The following SRP9 variants were observed in gnomAD, a reference collection of about 807,000 sequenced individuals.
The protein encoded by SRP9 is signal recognition particle 9 kDa protein.
SRP9 carries 2 observed loss-of-function variants against 11.7 expected under a neutral mutation model. The observed-to-expected ratio is 0.17, with a 90% CI of 0.07 to 0.54. SRP9 has a LOEUF of 0.54. Among genes scored for constraint, SRP9 ranks in the 20% least tolerant of loss-of-function variants. SRP9 has a pLI of 0.94. For missense variants in SRP9, 54 were observed against 108.1 expected, an observed-to-expected ratio of 0.50 and a Z score of 2.22; for synonymous variants, 27 against 35.6, an observed-to-expected ratio of 0.76 and a Z score of 0.86.
In SRP9 at chr1:225,789,509, T is replaced by C. The variant is rs546304542; in HGVS notation, c.*150T>C. On this transcript the variant is annotated 3_prime_UTR_variant, in exon 3 of 3. Transcript: ENST00000304786. ...TTTGTAATTTTCTTTTTAATTACTTTAGAGAGCTAGGGATGCAAATGTTTT... is the reference window on the plus strand; with the variant it reads ...TTTGTAATTTTCTTTTTAATTACTTCAGAGAGCTAGGGATGCAAATGTTTT... 2.0e-5 allele frequency: 17 copies of C among 849,504 alleles called. No individual in the cohort carries two copies. Among genetic ancestry groups the C allele is most frequent in the East Asian group, 8.6e-5 (3 of 34,696 alleles). 52.6% of individuals were successfully genotyped at this position (849,504 alleles called of 1,614,324 possible).
chr1:225,789,401 A>G lies in SRP9; in HGVS notation c.*42A>G, dbSNP rs775840400. On this transcript the variant is annotated 3_prime_UTR_variant, in exon 3 of 3. Coordinates refer to ENST00000304786, the MANE Select transcript of SRP9 (RefSeq NM_003133.6). Reference sequence around the variant, plus strand: ...ACTTTGTCGTGTACTTAGGAAGTAAATATCTTTTGAATTAGAGAAAGTGTT... The same window carrying G: ...ACTTTGTCGTGTACTTAGGAAGTAAGTATCTTTTGAATTAGAGAAAGTGTT... 1 of 1,493,482 alleles carries G rather than the reference A, an allele frequency of 6.7e-7. No individual in the cohort carries two copies. Among genetic ancestry groups the G allele is most frequent in the Non-Finnish European group, 9.0e-7 (1 of 1,107,608 alleles). The allele number at this position is 1,493,482 out of a possible 1,614,324, so 92.5% of individuals were successfully genotyped here. A position where few individuals can be genotyped will look rare whatever the true frequency, so the allele number is the denominator to read the frequency against.
chr1:225,778,075 C>T, intron 1 of SRP9, 63 bp downstream of exon 1: 7 of 1,580,936 alleles, frequency 4.4e-6, no homozygotes, highest in South Asian at 3.4e-5. Flanking sequence ...GCCATCCACT[C>T]GGCCCCTGGA....
rs759395838 is a variant in SRP9 at position 225,790,020 on chromosome 1, G to C, written c.*661G>C. ...TGAATCTAGTTTTCAGTGATCAGAA[G>C]CAGCAGTTATTTGAGTGTATGAATG... On this transcript the variant is annotated 3_prime_UTR_variant, in exon 3 of 3. Coordinates refer to ENST00000304786, the MANE Select transcript of SRP9 (RefSeq NM_003133.6). 3.9e-5 allele frequency: 6 copies of C among 152,260 alleles called. No individual in the cohort carries two copies. The highest frequency in any genetic ancestry group is 7.2e-5 in the African/African-American group (3 of 41,456). 9.4% of individuals were successfully genotyped at this position (152,260 alleles called of 1,614,324 possible).
At chr1:225,787,428 T>C (rs1386358597) in intron 2 of SRP9, among the ~76,000 whole-genome samples, 3 of 151,976 alleles carry the variant, frequency 2.0e-5, no homozygotes, top group Non-Finnish European at 4.4e-5. Context: ...CTTGGGAGGC[T>C]GAGGCAGGAG....
At chr1:225,780,170 C>G in intron 1 of SRP9, among the ~76,000 whole-genome samples, 1 of 134,902 alleles carries the variant, frequency 7.4e-6, no homozygotes, top group Non-Finnish European at 1.6e-5. Context: ...TGCCACCATG[C>G]CTGCCTAATT....
At position 225,789,403 on chromosome 1, in the gene SRP9, ATC is replaced by A; in HGVS notation, c.*46_*47del. The A allele has an allele frequency of 6.7e-7, 1 of 1,490,762 alleles. No homozygotes were observed. The highest frequency in any genetic ancestry group is 9.1e-7 in the Non-Finnish European group (1 of 1,104,414). 92.3% of individuals were successfully genotyped at this position (1,490,762 alleles called of 1,614,324 possible). On this transcript the variant is annotated 3_prime_UTR_variant, in exon 3 of 3. Coordinates refer to ENST00000304786, the MANE Select transcript of SRP9 (RefSeq NM_003133.6). Reference sequence around the variant, plus strand: ...TTTGTCGTGTACTTAGGAAGTAAATATCTTTTGAATTAGAGAAAGTGTTGGGA... The same window carrying A: ...TTTGTCGTGTACTTAGGAAGTAAATATTTTGAATTAGAGAAAGTGTTGGGA...
Position 225,783,384 on chromosome 1 carries a change from T to C in SRP9, c.141+16T>C. The stretch of plus-strand genomic sequence containing the variant: ...TGATTTAGTTGTAAGTATACATTTT[T>C]ATTTGTTACATACTTTCAGATTTGT... On this transcript the variant is annotated intron_variant, in intron 2 of 2. Transcript: ENST00000304786. 1.3e-6 allele frequency: 2 copies of C among 1,567,386 alleles called. No individual in the cohort carries two copies. Among genetic ancestry groups the C allele is most frequent in the Non-Finnish European group, 1.8e-6 (2 of 1,139,814 alleles).
chr1:225,782,504 T>A (rs1191455139), intron 1 of SRP9, among the ~76,000 whole-genome samples: 1 of 152,148 alleles, frequency 6.6e-6, no homozygotes, highest in Non-Finnish European at 1.5e-5. Context: ...AAACAAGAGT[T>A]ACTGATACTG....
intron 2 of SRP9, chr1:225,788,962 A>G (rs1665969660): frequency 1.3e-6 from 2 of 1,535,178 alleles, no homozygotes; most frequent in African/African-American, 1.4e-5. Flanking sequence ...TTCTCATCAG[A>G]CCATAGCAGG....
chr1:225,787,563 G>C (rs554704562), intron 2 of SRP9, among the ~76,000 whole-genome samples: 1 of 152,080 alleles, frequency 6.6e-6, no homozygotes, highest in Non-Finnish European at 1.5e-5. Flanking sequence ...AATAAATGCA[G>C]AACGAATTTT....
chr1:225,778,384 G>C (rs1030989579), intron 1 of SRP9, among the ~76,000 whole-genome samples: 1 of 152,212 alleles, frequency 6.6e-6, no homozygotes, highest in Admixed American at 6.5e-5. Context: ...GGCGGTAAGG[G>C]TACCTCATGT....
chr1:225,786,280 C>G (rs1003211975), intron 2 of SRP9, among the ~76,000 whole-genome samples: 3 of 152,202 alleles, frequency 2.0e-5, no homozygotes, highest in Non-Finnish European at 4.4e-5. Flanking sequence ...TATCACAATT[C>G]TTTTATCACA....
chr1:225,779,187 C>T (rs1017129533), intron 1 of SRP9, among the ~76,000 whole-genome samples: 2 of 151,256 alleles, frequency 1.3e-5, no homozygotes, highest in African/African-American at 2.4e-5. Context: ...CACTGTCGCC[C>T]GGACTGGAGT....
At chr1:225,787,248 G>A (rs1297542719) in intron 2 of SRP9, among the ~76,000 whole-genome samples, 5 of 152,092 alleles carry the variant, frequency 3.3e-5, no homozygotes, top group African/African-American at 1.2e-4. Flanking sequence ...AAAAATAGGG[G>A]AATAGGCCGG....
intron 2 of SRP9, among the ~76,000 whole-genome samples, chr1:225,787,788 C>T (rs961933555): frequency 6.6e-6 from 1 of 152,096 alleles, no homozygotes; most frequent in Non-Finnish European, 1.5e-5. Context: ...TCTCATAGGA[C>T]ATGTGCTAAA....
At chr1:225,784,544 C>T (rs1443768314) in intron 2 of SRP9, among the ~76,000 whole-genome samples, 1 of 151,726 alleles carries the variant, frequency 6.6e-6, no homozygotes, top group Admixed American at 6.6e-5. Flanking sequence ...CCACCCCACC[C>T]GGCCTATCAT....
chr1:225,778,695 C>G lies in SRP9; in HGVS notation c.72+683C>G, dbSNP rs77197174. ...CTCATTATTAAAAAGCAAAGGAGTCCAAGTGATGGGAGTTTAGCATTCGGG... is the reference window on the plus strand; with the variant it reads ...CTCATTATTAAAAAGCAAAGGAGTCGAAGTGATGGGAGTTTAGCATTCGGG... On this transcript the variant is annotated intron_variant, in intron 1 of 2. Coordinates refer to ENST00000304786, the MANE Select transcript of SRP9 (RefSeq NM_003133.6). 1.9e-3 allele frequency among the ~76,000 whole-genome samples: 285 copies of G among 152,270 alleles called. 4 individuals are homozygous for G. Among genetic ancestry groups the G allele is most frequent in the African/African-American group, 6.5e-3 (270 of 41,544 alleles).
At chr1:225,782,697 T>C (rs896419306) in intron 1 of SRP9, among the ~76,000 whole-genome samples, 1 of 152,214 alleles carries the variant, frequency 6.6e-6, no homozygotes, top group Non-Finnish European at 1.5e-5. Context: ...GTTATTCTGG[T>C]TTTTGGAAAA....
Position 225,783,320 on chromosome 1 carries a change from T to C in SRP9, c.93T>C (p.Tyr31=), listed in dbSNP as rs142361213. 226 of 1,612,752 alleles carry C rather than the reference T, an allele frequency of 1.4e-4. No homozygotes were observed. The highest frequency in any genetic ancestry group is 7.1e-4 in the African/African-American group (53 of 74,926). Residue 31 remains tyrosine, a synonymous_variant, in exon 2 of 3, where the codon TAT becomes TAC. Transcript: ENST00000304786. The part of the protein sequence containing the change: ...DPMKARVVLK[Y]RHSDGNLCVK... Reference sequence around the variant, plus strand: ...TTCAGGCACGTGTGGTTCTCAAATATAGGCATTCTGATGGGAACTTGTGTG... The same window carrying C: ...TTCAGGCACGTGTGGTTCTCAAATACAGGCATTCTGATGGGAACTTGTGTG...
Sources: allele counts gnomAD v4.1 joint callset (sites outside exome capture counted in the v4.1 genomes callset), GRCh38; gene constraint gnomAD v4.1.1; transcripts MANE v1.5; gene names NCBI Gene and HGNC (gene_info 2026-07-23, HGNC 2026-07-21).